The following PCDH7 variants were observed in gnomAD, a reference collection of about 807,000 sequenced individuals.
The protein encoded by PCDH7 is protocadherin-7.
Under a neutral mutation model 58.9 loss-of-function variants are expected in PCDH7, and 17 were observed. That is an observed-to-expected ratio of 0.29 (90% confidence interval 0.20 to 0.43). The LOEUF is 0.43. PCDH7 is among the 20% of genes least tolerant of loss of function. The pLI is 1.00. For missense variants in PCDH7, 1,274 were observed against 1,441.0 expected (o/e 0.88, Z 1.88); for synonymous variants, 664 against 616.4 (o/e 1.08, Z -1.14).
intron 3 of PCDH7, among the ~76,000 whole-genome samples, chr4:31,034,684 C>A (rs1755237406): frequency 6.6e-6 from 1 of 152,144 alleles, no homozygotes. Context: ...CATTTCCCTG[C>A]CCATTGCTTC....
At position 30,989,688 on chromosome 4, in the gene PCDH7, G is replaced by C. The variant is rs141907592; in HGVS notation, c.*7+39473G>C. ...CACTGGTCTAACACTCAATGAGTTAGAGATTCATAACCAAGCTAAGGAAGT... is the reference window on the plus strand; with the variant it reads ...CACTGGTCTAACACTCAATGAGTTACAGATTCATAACCAAGCTAAGGAAGT... On this transcript the variant is annotated intron_variant, in intron 3 of 3. Transcript: ENST00000509759. Among the ~76,000 whole-genome samples, 22 of 152,272 alleles carry C rather than the reference G, an allele frequency of 1.4e-4. No homozygotes were observed. In the East Asian group the frequency reaches 4.1e-3, roughly 28 times the overall value.
chr4:31,085,925 A>G (rs934912207), intron 3 of PCDH7, among the ~76,000 whole-genome samples: 7 of 151,336 alleles, frequency 4.6e-5, no homozygotes, highest in African/African-American at 1.7e-4. Flanking sequence ...GACCATGTCA[A>G]ATCTGTTGAT....
intron 1 of PCDH7, among the ~76,000 whole-genome samples, chr4:30,832,001 A>C (rs1729858532): frequency 6.6e-6 from 1 of 152,170 alleles, no homozygotes; most frequent in Non-Finnish European, 1.5e-5. Flanking sequence ...TATATGAATC[A>C]GTACTTAAAC....
chr4:30,797,894 C>T (rs187633323), intron 1 of PCDH7, among the ~76,000 whole-genome samples: 1 of 152,200 alleles, frequency 6.6e-6, no homozygotes, highest in Admixed American at 6.5e-5. Context: ...AATTCTGGGT[C>T]TTACAGTTGA....
intron 3 of PCDH7, among the ~76,000 whole-genome samples, chr4:31,100,071 T>C (rs540881995): frequency 6.6e-6 from 1 of 152,258 alleles, no homozygotes; most frequent in Non-Finnish European, 1.5e-5. Context: ...TTGCCATGGA[T>C]GTGTTACATA....
intron 3 of PCDH7, among the ~76,000 whole-genome samples, chr4:31,055,498 G>A (rs1253291590): frequency 1.3e-5 from 2 of 152,036 alleles, no homozygotes; most frequent in African/African-American, 4.8e-5. Flanking sequence ...ACTCCAAATG[G>A]CATTCACCTT....
intron 3 of PCDH7, among the ~76,000 whole-genome samples, chr4:31,017,410 C>T (rs1044290701): frequency 2.6e-5 from 4 of 152,114 alleles, no homozygotes; most frequent in Non-Finnish European, 4.4e-5. Flanking sequence ...TTCATATATA[C>T]ACTGGTCCCA....
chr4:30,983,941 T>G (rs1750768060), intron 3 of PCDH7, among the ~76,000 whole-genome samples: 1 of 152,178 alleles, frequency 6.6e-6, no homozygotes, highest in Admixed American at 6.6e-5. Context: ...AGAAAGGGCT[T>G]TGTGTGAATT....
At chr4:31,027,253 G>A (rs1046415911) in intron 3 of PCDH7, among the ~76,000 whole-genome samples, 6 of 151,840 alleles carry the variant, frequency 4.0e-5, no homozygotes, top group African/African-American at 7.3e-5. Flanking sequence ...TCACAAATAG[G>A]CATTATGTTC....
intron 3 of PCDH7, among the ~76,000 whole-genome samples, chr4:31,124,144 C>T (rs1483735033): frequency 6.6e-6 from 1 of 152,168 alleles, no homozygotes; most frequent in Admixed American, 6.5e-5. Context: ...GCCGTGAGTC[C>T]AGCCTCGAGG....
chr4:31,068,229 A>G (rs1758247096), intron 3 of PCDH7, among the ~76,000 whole-genome samples: 1 of 151,850 alleles, frequency 6.6e-6, no homozygotes, highest in Non-Finnish European at 1.5e-5. Context: ...GGAGTAGATA[A>G]TGTATGAAGG....
chr4:31,022,593 A>G (rs555745915), intron 3 of PCDH7, among the ~76,000 whole-genome samples: 3 of 152,312 alleles, frequency 2.0e-5, no homozygotes, highest in African/African-American at 7.2e-5. Context: ...AGAGATTTTA[A>G]CCCAGGTATT....
chr4:30,773,660 C>G (rs1721704876), intron 1 of PCDH7, among the ~76,000 whole-genome samples: 1 of 152,124 alleles, frequency 6.6e-6, no homozygotes, highest in Non-Finnish European at 1.5e-5. Context: ...TGCCCACCAT[C>G]ATAAATATTT....
At chr4:31,110,812 G>A (rs1474060578) in intron 3 of PCDH7, among the ~76,000 whole-genome samples, 1 of 151,978 alleles carries the variant, frequency 6.6e-6, no homozygotes, top group Non-Finnish European at 1.5e-5. Context: ...CTACTCGGGA[G>A]GCTGAGGCAG....
intron 1 of PCDH7, among the ~76,000 whole-genome samples, chr4:30,742,980 T>C (rs768136094): frequency 6.6e-6 from 1 of 152,168 alleles, no homozygotes; most frequent in Non-Finnish European, 1.5e-5. Flanking sequence ...CAACTTCTCT[T>C]TATCTCTGTT....
intron 3 of PCDH7, among the ~76,000 whole-genome samples, chr4:31,078,719 A>C (rs542782465): frequency 6.9e-6 from 1 of 145,452 alleles, no homozygotes; most frequent in East Asian, 2.0e-4. Flanking sequence ...CAATCCCAAA[A>C]TTTGTTTGGA....
At chr4:30,803,557 C>T (rs553446714) in intron 1 of PCDH7, among the ~76,000 whole-genome samples, 2 of 152,240 alleles carry the variant, frequency 1.3e-5, no homozygotes, top group South Asian at 2.1e-4. Flanking sequence ...CCTGCTTCAG[C>T]CTTCCTCACT....
intron 3 of PCDH7, among the ~76,000 whole-genome samples, chr4:31,050,944 A>G (rs945639612): frequency 2.6e-5 from 4 of 152,078 alleles, no homozygotes; most frequent in Non-Finnish European, 4.4e-5. Context: ...CACATTGTCT[A>G]TCCTCTGCTA....
At chr4:30,910,320 A>G (rs1215159952) in intron 1 of PCDH7, among the ~76,000 whole-genome samples, 1 of 152,190 alleles carries the variant, frequency 6.6e-6, no homozygotes, top group African/African-American at 2.4e-5. Flanking sequence ...GCCAAAATTG[A>G]CATATGGAAT....
Sources: allele counts gnomAD v4.1 joint callset (sites outside exome capture counted in the v4.1 genomes callset), GRCh38; gene constraint gnomAD v4.1.1; transcripts MANE v1.5; gene names NCBI Gene and HGNC (gene_info 2026-07-23, HGNC 2026-07-21).